CHST15: variants seen among roughly 807,000 people sequenced by gnomAD.
CHST15 encodes carbohydrate sulfotransferase 15.
In CHST15, 30 loss-of-function variants were observed where a neutral mutation model predicts 53.6. That is an observed-to-expected ratio of 0.56 (90% CI 0.42 to 0.76). CHST15 has a LOEUF of 0.76. Ranked by LOEUF, CHST15 falls within the 30% of genes least tolerant of loss-of-function variation. The pLI is 0.00. For synonymous variants in CHST15, 296 were observed against 289.8 expected, an observed-to-expected ratio of 1.02 and a Z score of -0.22; for missense variants, 627 against 740.5, an observed-to-expected ratio of 0.85 and a Z score of 1.78.
At chr10:124,089,593 T>G (rs1359189138) in intron 1 of CHST15, among the ~76,000 whole-genome samples, 1 of 152,124 alleles carries the variant, frequency 6.6e-6, no homozygotes, top group Non-Finnish European at 1.5e-5. Flanking sequence ...CACTCCCAAC[T>G]TAATATCATA....
chr10:124,044,494 C>T (rs1395529677), intron 3 of CHST15, 86 bp downstream of exon 3: 3 of 1,148,320 alleles, frequency 2.6e-6, no homozygotes, highest in Non-Finnish European at 3.5e-6. Flanking sequence ...GCCGCCCTCG[C>T]CCCCCAACCC....
chr10:124,090,736 T>G (rs976357544), intron 1 of CHST15, among the ~76,000 whole-genome samples: 1 of 152,252 alleles, frequency 6.6e-6, no homozygotes, highest in African/African-American at 2.4e-5. Context: ...GTGACCGTGC[T>G]GGGTCCCTGG....
intron 1 of CHST15, among the ~76,000 whole-genome samples, chr10:124,061,051 G>T (rs1022294298): frequency 6.6e-6 from 1 of 152,164 alleles, no homozygotes; most frequent in Admixed American, 6.5e-5. Flanking sequence ...ATAAGAAAAC[G>T]GTGGCTCTGG....
intron 1 of CHST15, among the ~76,000 whole-genome samples, chr10:124,064,411 G>C (rs1373519926): frequency 6.6e-6 from 1 of 152,204 alleles, no homozygotes; most frequent in Admixed American, 6.5e-5. Flanking sequence ...TCCTTGCAAA[G>C]GTACAGCAGT....
chr10:124,071,468 A>G (rs1948909344), intron 1 of CHST15, among the ~76,000 whole-genome samples: 1 of 152,250 alleles, frequency 6.6e-6, no homozygotes, highest in South Asian at 2.1e-4. Context: ...AAAGTGCCTC[A>G]GAGCAGCACT....
intron 1 of CHST15, among the ~76,000 whole-genome samples, chr10:124,067,806 G>C (rs572789419): frequency 6.6e-6 from 1 of 152,024 alleles, no homozygotes; most frequent in South Asian, 2.1e-4. Flanking sequence ...TAGTAGAGAC[G>C]GGGTTTCACC....
intron 5 of CHST15, among the ~76,000 whole-genome samples, chr10:124,029,451 C>T (rs575430899): frequency 6.6e-6 from 1 of 152,356 alleles, no homozygotes; most frequent in South Asian, 2.1e-4. Flanking sequence ...TCCTACCAGG[C>T]CCTAGGTTCC....
intron 1 of CHST15, among the ~76,000 whole-genome samples, chr10:124,049,392 G>A (rs72833848): frequency 1.8e-4 from 28 of 152,244 alleles, no homozygotes; most frequent in Middle Eastern, 3.4e-3. Flanking sequence ...GACACTTTGC[G>A]GGCCAGGATA....
intron 1 of CHST15, among the ~76,000 whole-genome samples, chr10:124,078,123 T>C (rs1353028966): frequency 2.0e-5 from 3 of 152,172 alleles, no homozygotes; most frequent in Non-Finnish European, 2.9e-5. Context: ...ACGGCAGATC[T>C]CACACAAGCC....
rs758184303 is a variant in CHST15 at position 124,010,191 on chromosome 10, C to T, written c.1644G>A (p.Ala548=). 25 of 1,613,696 alleles carry T rather than the reference C, an allele frequency of 1.5e-5. No homozygotes were observed. The highest frequency in any genetic ancestry group is 1.9e-5 in the Non-Finnish European group (23 of 1,180,052). ...CAAACGCCTCATCCGCGAGGACCTG[C>T]GCCAGCCTAGCGTTGAAGGGCCTGT... ...DFYRPFNARL[A]QVLADEAFAW... Residue 548 remains alanine, a synonymous_variant, in exon 8 of 8, where the codon GCG becomes GCA. Transcript: ENST00000435907.
chr10:124,078,894 G>C (rs560696317), intron 1 of CHST15, among the ~76,000 whole-genome samples: 3 of 152,304 alleles, frequency 2.0e-5, no homozygotes. Flanking sequence ...TGAGTGAAGG[G>C]TACACAGGGA....
At chr10:124,079,710 G>A (rs1331468349) in intron 1 of CHST15, among the ~76,000 whole-genome samples, 1 of 152,254 alleles carries the variant, frequency 6.6e-6, no homozygotes, top group African/African-American at 2.4e-5. Context: ...GCAGCACCAG[G>A]AGGGAGGAAG....
intron 1 of CHST15, among the ~76,000 whole-genome samples, chr10:124,083,428 G>A (rs557867226): frequency 6.6e-6 from 1 of 152,124 alleles, no homozygotes; most frequent in African/African-American, 2.4e-5. Context: ...TTTCTTCTCT[G>A]AGCCAAATTT....
Position 124,019,289 on chromosome 10 carries a change from C to G in CHST15, c.1347+1967G>C, listed in dbSNP as rs1018984277. Among the ~76,000 whole-genome samples the G allele has an allele frequency of 6.6e-6, 1 of 152,174 alleles. No homozygotes were observed. Among genetic ancestry groups the G allele is most frequent in the Non-Finnish European group, 1.5e-5 (1 of 68,026 alleles). The stretch of plus-strand genomic sequence containing the variant: ...CTCCTGCCAGCCCCAGCCCTGAGAC[C>G]GCCCTCAGGGAGCTGCCTTGAGGAC... On this transcript the variant is annotated intron_variant, in intron 6 of 7. Coordinates refer to ENST00000435907, the MANE Select transcript of CHST15 (RefSeq NM_001270764.2). The surrounding 1 kb of genome is among the most constrained non-coding windows in gnomAD (Gnocchi z 4.6).
At chr10:124,010,645 C>T (rs971799965) in intron 7 of CHST15, 4 of 985,302 alleles carry the variant, frequency 4.1e-6, no homozygotes, top group Non-Finnish European at 4.8e-6. Context: ...TTCCAATTGC[C>T]CTTGGTGGGC....
chr10:124,041,228 TA>T (rs1175484246), intron 4 of CHST15, among the ~76,000 whole-genome samples: 8 of 152,274 alleles, frequency 5.3e-5, no homozygotes, highest in Non-Finnish European at 1.2e-4. Flanking sequence ...GGGCTGATTA[TA>T]ATTCCTCTTA....
rs772467668 is a variant in CHST15 at position 124,009,927 on chromosome 10, T to A, written c.*222A>T. The A allele has an allele frequency of 1.5e-5, 21 of 1,376,592 alleles. No homozygotes were observed. The African/African-American group carries it at 2.6e-4, about 17-fold the overall frequency. The allele number at this position is 1,376,592 out of a possible 1,614,324, so 85.3% of individuals were successfully genotyped here. On this transcript the variant is annotated 3_prime_UTR_variant, in exon 8 of 8. Transcript: ENST00000435907. ...GAGCTGAATTCTTGAGAAACTGGGG[T>A]CTCCAATGGCCTCGGATAGAGGAGC...
In CHST15 at chr10:124,074,211, G is replaced by A. The variant is rs775295976; in HGVS notation, c.-513+19258C>T. Among the ~76,000 whole-genome samples the A allele has an allele frequency of 1.3e-5, 2 of 152,194 alleles. No homozygotes were observed. The highest frequency in any genetic ancestry group is 2.4e-5 in the African/African-American group (1 of 41,434). On this transcript the variant is annotated intron_variant, in intron 1 of 7. Transcript: ENST00000435907. The surrounding 1 kb of genome is among the most constrained non-coding windows in gnomAD (Gnocchi z 4.4). ...TTTCCACTTCATTTCTGCAGGGCCA[G>A]TGCCCCCCGGCTGGGAAAGACACCG...
rs1350258841 is a variant in CHST15 at position 124,036,866 on chromosome 10, G to T, written c.1190+1649C>A. 6.6e-6 allele frequency among the ~76,000 whole-genome samples: 1 copy of T among 152,160 alleles called. No individual in the cohort carries two copies. Among genetic ancestry groups the T allele is most frequent in the Non-Finnish European group, 1.5e-5 (1 of 68,022 alleles). ...AGGAAGGTATGCCACCTGAAGAAGG[G>T]GTCCCAGGGGTCAGTTTCCCGGGGC... On this transcript the variant is annotated intron_variant, in intron 5 of 7. Coordinates refer to ENST00000435907, the MANE Select transcript of CHST15 (RefSeq NM_001270764.2). This position sits in a 1 kb window ranked among gnomAD's most constrained non-coding sequence, Gnocchi z 5.1.
Sources: gnomAD v4.1 joint callset for allele counts (sites outside exome capture counted in the v4.1 genomes callset) on GRCh38, gnomAD v4.1.1 for gene constraint, Gnocchi (gnomAD v3.1) non-coding constraint, MANE v1.5 for transcripts, NCBI Gene and HGNC (gene_info 2026-07-23, HGNC 2026-07-21) for gene names.